The following SH3BP2 variants were observed in gnomAD, a reference collection of about 807,000 sequenced individuals.
SH3BP2 encodes SH3 domain binding protein 2, also known as SH3 domain-binding protein 2.
SH3BP2 carries 38 observed loss-of-function variants against 56.2 expected under a neutral mutation model. That is an observed-to-expected ratio of 0.68 (90% CI 0.52 to 0.89). SH3BP2 has a LOEUF of 0.89. SH3BP2 is among the 40% of genes least tolerant of loss of function. The pLI, the probability that SH3BP2 is intolerant of heterozygous loss-of-function variation, is 0.00. For synonymous variants in SH3BP2, 346 were observed against 316.7 expected (o/e 1.09, Z -0.98); for missense variants, 748 against 762.6 (o/e 0.98, Z 0.23).
intron 1 of SH3BP2, among the ~76,000 whole-genome samples, chr4:2,802,052 G>A (rs1166158575): frequency 6.6e-6 from 1 of 152,072 alleles, no homozygotes; most frequent in African/African-American, 2.4e-5. Context: ...AGGTTGGAGT[G>A]AGCAAAGATT....
At position 2,829,276 on chromosome 4, in the gene SH3BP2, T is replaced by C. The variant is rs866574255; in HGVS notation, c.587-217T>C. ...TTCAGGAAGCGTCCACAGGCTGCCA[T>C]AGGGAGGATGAATGGGGAAGGCTGG... On this transcript the variant is annotated intron_variant, in intron 7 of 12. Coordinates refer to ENST00000503393, the MANE Select transcript of SH3BP2 (RefSeq NM_001122681.2). This position sits in a 1 kb window ranked among gnomAD's most constrained non-coding sequence, Gnocchi z 4.9. 2.0e-5 allele frequency among the ~76,000 whole-genome samples: 3 copies of C among 151,190 alleles called. No individual in the cohort carries two copies. The highest frequency in any genetic ancestry group is 6.6e-5 in the Admixed American group (1 of 15,202).
At chr4:2,818,285 AGGCGGCGGC>A in intron 1 of SH3BP2, 1 of 1,037,174 alleles carries the variant, frequency 9.6e-7, no homozygotes, top group Non-Finnish European at 1.2e-6. Flanking sequence ...GCCCGGGACG[AGGCGGCGGC>A]GGCCGGGGGA....
Position 2,829,698 on chromosome 4 carries a change from T to G in SH3BP2, c.792T>G (p.Ala264=). The change falls in exon 8 of 13, where the codon GCT becomes GCG. Residue 264 remains alanine, a synonymous_variant. Transcript: ENST00000503393. The surrounding 1 kb of genome is among the most constrained non-coding windows in gnomAD (Gnocchi z 4.9). ...SKRDPLCPRR[A]EPCPRVPATP... is the part of the protein sequence containing the mutation. The stretch of plus-strand genomic sequence containing the variant: ...GGGACCCACTGTGCCCGAGGCGGGC[T>G]GAGCCTTGCCCCAGGGTACCTGCTA... The G allele has an allele frequency of 6.2e-7, 1 of 1,612,824 alleles. No individual in the cohort carries two copies. Among genetic ancestry groups the G allele is most frequent in the African/African-American group, 1.3e-5 (1 of 74,904 alleles).
At chr4:2,793,668 C>T (rs1722970537) in intron 1 of SH3BP2, 1 of 152,196 alleles carries the variant, frequency 6.6e-6, no homozygotes, top group Non-Finnish European at 1.5e-5. Context: ...TCGCTCTCCG[C>T]CCTTCCCGGA....
rs376316254 is a variant in SH3BP2, at chr4:2,795,618, G to T, written c.-5+2480G>T. Among the ~76,000 whole-genome samples, 44 of 152,326 alleles carry T rather than the reference G, an allele frequency of 2.9e-4. No individual in the cohort carries two copies. In the South Asian group the frequency reaches 8.3e-3, roughly 29 times the overall value. On this transcript the variant is annotated intron_variant, in intron 1 of 12. Transcript: ENST00000503393. ...AGAGCTGTCCTACCCCAGACGCAGT[G>T]GAGCGGCTCCCACCCCTCGGGCCAA...
chr4:2,797,861 G>A (rs1012853035), intron 1 of SH3BP2, among the ~76,000 whole-genome samples: 1 of 152,200 alleles, frequency 6.6e-6, no homozygotes, highest in Non-Finnish European at 1.5e-5. Flanking sequence ...CGCGGGCAAC[G>A]GGCGGGCTGT....
At chr4:2,823,954 A>G (rs1043851083) in intron 3 of SH3BP2, among the ~76,000 whole-genome samples, 2 of 152,222 alleles carry the variant, frequency 1.3e-5, no homozygotes, top group African/African-American at 2.4e-5. Context: ...GCAGACAGAC[A>G]CAGCGCCTTC....
At chr4:2,806,156 C>T (rs1421452653) in intron 1 of SH3BP2, among the ~76,000 whole-genome samples, 3 of 152,204 alleles carry the variant, frequency 2.0e-5, no homozygotes, top group Non-Finnish European at 2.9e-5. Context: ...ACGCTGACCA[C>T]GGCTCTATTC....
chr4:2,823,127 C>A (rs1336569289), intron 3 of SH3BP2, 90 bp downstream of exon 3: 1 of 942,204 alleles, frequency 1.1e-6, no homozygotes, highest in Non-Finnish European at 1.7e-6. Context: ...CCCTTATTCC[C>A]GCCCAAGGAA....
intron 1 of SH3BP2, among the ~76,000 whole-genome samples, chr4:2,794,833 A>T (rs550657361): frequency 1.3e-5 from 2 of 152,122 alleles, no homozygotes; most frequent in African/African-American, 4.8e-5. Context: ...GGAGCTCCCC[A>T]CCCCCCAGGG....
In SH3BP2 at chr4:2,829,534, C is replaced by T. The variant is rs777085450; in HGVS notation, c.628C>T (p.Pro210Ser). 39 of 1,613,592 alleles carry T rather than the reference C, an allele frequency of 2.4e-5. No individual in the cohort carries two copies. In the Admixed American group the frequency reaches 4.5e-4, roughly 19 times the overall value. Residue 210 changes from proline to serine, a missense_variant, in exon 8 of 13, where the codon CCC (proline) becomes TCC (serine). Transcript: ENST00000503393. This position sits in a 1 kb window ranked among gnomAD's most constrained non-coding sequence, Gnocchi z 4.9. ...HPPAYPPPPV[P>S]TPRKPAFSDM... ...ACCGGCTTACCCACCACCCCCAGTG[C>T]CCACGCCCAGGAAGCCAGCCTTCTC...
intron 1 of SH3BP2, among the ~76,000 whole-genome samples, chr4:2,812,991 C>G (rs1339156427): frequency 6.6e-6 from 1 of 152,158 alleles, no homozygotes; most frequent in Admixed American, 6.5e-5. Flanking sequence ...CAGGGACTGC[C>G]GGGCTGGGGC....
intron 1 of SH3BP2, among the ~76,000 whole-genome samples, chr4:2,816,430 A>G (rs1013601968): frequency 2.6e-5 from 4 of 152,206 alleles, no homozygotes; most frequent in Admixed American, 2.6e-4. Flanking sequence ...TCCATTCTGG[A>G]TACCTTTTAT....
intron 1 of SH3BP2, among the ~76,000 whole-genome samples, chr4:2,803,259 T>G (rs2004190): frequency 6.6e-6 from 1 of 151,912 alleles, no homozygotes; most frequent in Non-Finnish European, 1.5e-5. Context: ...GTGGGAGCAG[T>G]GGGGCTGGGT....
intron 2 of SH3BP2, 46 bp downstream of exon 2, chr4:2,820,799 C>T (rs1241108607): frequency 6.4e-7 from 1 of 1,565,204 alleles, no homozygotes; most frequent in Admixed American, 1.9e-5. Flanking sequence ...GGCATGGGGG[C>T]AGGGCTAGCC....
intron 1 of SH3BP2, among the ~76,000 whole-genome samples, chr4:2,819,895 G>A (rs1724207435): frequency 6.6e-6 from 1 of 152,094 alleles, no homozygotes; most frequent in South Asian, 2.1e-4. Context: ...ATGATGTTGG[G>A]TCCTGTGGGC....
intron 1 of SH3BP2, among the ~76,000 whole-genome samples, chr4:2,815,801 C>A (rs189658604): frequency 7.2e-5 from 11 of 152,318 alleles, no homozygotes; most frequent in Admixed American, 6.5e-4. Flanking sequence ...TGGGTGTCCC[C>A]CCTGGGCTGG....
chr4:2,813,800 C>T (rs1410749969), intron 1 of SH3BP2, among the ~76,000 whole-genome samples: 1 of 152,058 alleles, frequency 6.6e-6, no homozygotes, highest in African/African-American at 2.4e-5. Flanking sequence ...AACATGAGAG[C>T]GAGTGGGCAT....
chr4:2,799,041 C>T, intron 1 of SH3BP2: 2 of 985,546 alleles, frequency 2.0e-6, no homozygotes, highest in Non-Finnish European at 2.4e-6. Flanking sequence ...GTCATCGAGG[C>T]CTCCGGGCTG....
Sources: gnomAD v4.1 joint callset for allele counts (sites outside exome capture counted in the v4.1 genomes callset) on GRCh38, gnomAD v4.1.1 for gene constraint, Gnocchi (gnomAD v3.1) non-coding constraint, MANE v1.5 for transcripts, NCBI Gene and HGNC (gene_info 2026-07-23, HGNC 2026-07-21) for gene names.